Variants in CPED1 observed in about 807,000 individuals in gnomAD.
CPED1 encodes cadherin-like and PC-esterase domain-containing protein 1.
CPED1 carries 114 observed loss-of-function variants against 128.2 expected under a neutral mutation model. The ratio of observed to expected loss-of-function variants is 0.89; its 90% CI spans 0.76 to 1.04. CPED1 has a LOEUF of 1.04. Among genes scored for constraint, CPED1 ranks in the 50% least tolerant of loss-of-function variants. The pLI is 0.00. For missense variants in CPED1, 1,211 were observed against 1,207.1 expected (o/e 1.00, Z -0.05); for synonymous variants, 462 against 426.7 (o/e 1.08, Z -1.02).
chr7:121,111,842 ATCAG>A (rs889398367), intron 7 of CPED1, among the ~76,000 whole-genome samples: 11 of 152,340 alleles, frequency 7.2e-5, no homozygotes, highest in African/African-American at 2.4e-4. Flanking sequence ...GGCAAATTGA[ATCAG>A]TCAGCTTTTG....
chr7:121,064,422 C>T, intron 5 of CPED1, 109 bp downstream of exon 5: 2 of 716,964 alleles, frequency 2.8e-6, no homozygotes, highest in Non-Finnish European at 4.8e-6. Flanking sequence ...CTTTGTCTAT[C>T]AATTCGGCAA....
At chr7:121,093,019 A>C (rs559142145) in intron 5 of CPED1, among the ~76,000 whole-genome samples, 1 of 152,328 alleles carries the variant, frequency 6.6e-6, no homozygotes, top group East Asian at 1.9e-4. Context: ...AAACAGATTC[A>C]GAGCTGAAGA....
intron 16 of CPED1, among the ~76,000 whole-genome samples, chr7:121,205,891 C>T (rs979611954): frequency 2.0e-5 from 3 of 152,006 alleles, no homozygotes; most frequent in African/African-American, 4.8e-5. Flanking sequence ...TTACCCTAAA[C>T]AGGATGATAA....
chr7:120,999,791 T>C (rs896335818), intron 2 of CPED1, among the ~76,000 whole-genome samples: 1 of 152,178 alleles, frequency 6.6e-6, no homozygotes, highest in African/African-American at 2.4e-5. Context: ...GAAATATGCA[T>C]ATGGGTGAAA....
chr7:121,022,804 C>T (rs980762723), intron 3 of CPED1, among the ~76,000 whole-genome samples: 22 of 152,086 alleles, frequency 1.4e-4, no homozygotes, highest in African/African-American at 5.3e-4. Context: ...GTCCTATCTG[C>T]ATCCTCTATA....
At chr7:121,290,507 C>T (rs948949248) in intron 22 of CPED1, among the ~76,000 whole-genome samples, 2 of 152,238 alleles carry the variant, frequency 1.3e-5, no homozygotes, top group East Asian at 1.9e-4. Flanking sequence ...TTCTAACTGG[C>T]ATGAGATGGT....
intron 4 of CPED1, among the ~76,000 whole-genome samples, chr7:121,048,728 G>A (rs149498508): frequency 5.9e-5 from 9 of 152,038 alleles, no homozygotes; most frequent in Non-Finnish European, 1.2e-4. Context: ...TAGTAGAGAC[G>A]GGGTTTTGCT....
chr7:121,094,639 T>C (rs1337532177), intron 5 of CPED1, among the ~76,000 whole-genome samples: 1 of 152,152 alleles, frequency 6.6e-6, no homozygotes, highest in African/African-American at 2.4e-5. Context: ...ATTCATGGGA[T>C]TTACATTCTG....
At chr7:121,280,268 G>A (rs1410781312) in intron 22 of CPED1, among the ~76,000 whole-genome samples, 1 of 152,142 alleles carries the variant, frequency 6.6e-6, no homozygotes, top group Non-Finnish European at 1.5e-5. Context: ...TCAGCCACTT[G>A]GGAAATTGAG....
intron 22 of CPED1, among the ~76,000 whole-genome samples, chr7:121,282,943 G>GA (rs529301868): frequency 3.8e-4 from 58 of 151,776 alleles, no homozygotes; most frequent in African/African-American, 1.0e-3. Flanking sequence ...ATATTACATG[G>GA]AAAAAAAATC....
chr7:121,163,947 A>G (rs971603679), intron 16 of CPED1, among the ~76,000 whole-genome samples: 4 of 152,252 alleles, frequency 2.6e-5, no homozygotes, highest in South Asian at 2.1e-4. Context: ...CAGGCATCAC[A>G]GGGTTGGATA....
chr7:121,082,631 T>G (rs999595353), intron 5 of CPED1, among the ~76,000 whole-genome samples: 10 of 152,184 alleles, frequency 6.6e-5, no homozygotes, highest in Non-Finnish European at 1.5e-5. Flanking sequence ...CTTCTGTCTT[T>G]AAACCATCTA....
intron 2 of CPED1, among the ~76,000 whole-genome samples, chr7:121,001,563 T>C (rs1441952057): frequency 1.3e-5 from 2 of 152,136 alleles, no homozygotes; most frequent in Non-Finnish European, 2.9e-5. Context: ...TCATAATATT[T>C]CTTATTTCTT....
At chr7:121,027,507 T>G (rs1180303708) in intron 3 of CPED1, among the ~76,000 whole-genome samples, 1 of 152,074 alleles carries the variant, frequency 6.6e-6, no homozygotes, top group Non-Finnish European at 1.5e-5. Context: ...AAGTGCCATT[T>G]TCTTCTTTGG....
At chr7:121,125,596 T>A (rs987936079) in intron 8 of CPED1, among the ~76,000 whole-genome samples, 2 of 152,176 alleles carry the variant, frequency 1.3e-5, no homozygotes, top group Non-Finnish European at 2.9e-5. Context: ...TTGCTGAGAA[T>A]GATGGTTTCC....
At chr7:121,129,287 G>GTATATATATATATATATATACGTA (rs1795589369) in intron 11 of CPED1, among the ~76,000 whole-genome samples, 2 of 52,024 alleles carry the variant, frequency 3.8e-5, no homozygotes, top group African/African-American at 1.1e-4. Context: ...GTGTATATAT[G>GTATATATATATATATATATACGTA]TATATATATA....
chr7:121,295,523 C>G lies in CPED1; in HGVS notation c.2952C>G (p.Ser984Arg). 1 of 1,613,934 alleles carries G rather than the reference C, an allele frequency of 6.2e-7. No homozygotes were observed. Among genetic ancestry groups the G allele is most frequent in the East Asian group, 2.2e-5 (1 of 44,862 alleles). ...SRNHIMGRYF[S>R]NQSKLQQGTV... is the part of the protein sequence containing the mutation. ...ATCATATCATGGGAAGATATTTCAG[C>G]AATCAAAGCAAACTACAACAAGGCA... The change falls in exon 23 of 23, where the codon AGC becomes AGG. Residue 984 changes from serine (S) to arginine (R), a missense_variant. Transcript: ENST00000310396.
At chr7:121,105,424 A>G (rs940654738) in intron 7 of CPED1, among the ~76,000 whole-genome samples, 1 of 152,090 alleles carries the variant, frequency 6.6e-6, no homozygotes. Flanking sequence ...TTTATGTCCA[A>G]AACTGCAGGC....
rs145814643 is a variant in CPED1 at position 121,150,271 on chromosome 7, A to G, written c.2055+8130A>G. On this transcript the variant is annotated intron_variant, in intron 16 of 22. Coordinates refer to ENST00000310396, the MANE Select transcript of CPED1 (RefSeq NM_024913.5). ...TCATGTCCATGTATGCCCAGTGTTT[A>G]TCTCCTACTTATAAGTGAGAATATG... 3.9e-3 allele frequency among the ~76,000 whole-genome samples: 584 copies of G among 151,430 alleles called. 5 individuals carry two copies. The highest frequency in any genetic ancestry group is 0.014 in the African/African-American group (564 of 41,212).
Sources: allele counts gnomAD v4.1 joint callset (sites outside exome capture counted in the v4.1 genomes callset), GRCh38; gene constraint gnomAD v4.1.1; transcripts MANE v1.5; gene names NCBI Gene and HGNC (gene_info 2026-07-23, HGNC 2026-07-21).